The following ST3GAL5 variants were observed in gnomAD, a reference collection of about 807,000 sequenced individuals.
ST3GAL5 encodes the protein ST3 beta-galactoside alpha-2,3-sialyltransferase 5.
A neutral mutation model predicts 46.1 loss-of-function variants in ST3GAL5; 25 were observed. The observed-to-expected ratio is 0.54, with a 90% CI of 0.40 to 0.76. The LOEUF (loss-of-function observed/expected upper bound fraction) is 0.76, where lower values mean the gene tolerates loss of function less well. ST3GAL5 is among the 30% of genes least tolerant of loss of function. The pLI, the probability that ST3GAL5 is intolerant of heterozygous loss-of-function variation, is 0.00. For missense variants in ST3GAL5, 431 were observed against 521.2 expected (o/e 0.83, Z 1.69); for synonymous variants, 182 against 192.7 (o/e 0.94, Z 0.46).
Position 85,837,324 on chromosome 2 carries a change from TA to T in ST3GAL5, c.*2819del, listed in dbSNP as rs1321302891. The stretch of plus-strand genomic sequence containing the variant: ...GAACTGGAGGTGATGTTAAGTGAAA[TA>T]AGCCAAACACAGAAAGACAAATATC... On this transcript the variant is annotated 3_prime_UTR_variant, in exon 7 of 7. Transcript: ENST00000638572. 1.3e-5 allele frequency: 2 copies of T among 152,146 alleles called. No homozygotes were observed. The highest frequency in any genetic ancestry group is 4.8e-5 in the African/African-American group (2 of 41,428). The allele number at this position is 152,146 out of a possible 1,614,324, so 9.4% of individuals were successfully genotyped here. A position where few individuals can be genotyped will look rare whatever the true frequency, so the allele number is the denominator to read the frequency against.
intron 6 of ST3GAL5, among the ~76,000 whole-genome samples, chr2:85,840,780 C>T (rs963139711): frequency 2.0e-5 from 3 of 151,630 alleles, no homozygotes; most frequent in African/African-American, 7.3e-5. Flanking sequence ...CCTGTCTCTA[C>T]TAAAAATACA....
At chr2:85,840,661 C>T (rs1169612715) in intron 6 of ST3GAL5, 1 of 484,426 alleles carries the variant, frequency 2.1e-6, no homozygotes, top group African/African-American at 2.0e-5. Flanking sequence ...TATTCCCCTT[C>T]TAGGCCAGGT....
At chr2:85,881,865 T>C (rs1421651857) in intron 1 of ST3GAL5, among the ~76,000 whole-genome samples, 1 of 152,324 alleles carries the variant, frequency 6.6e-6, no homozygotes, top group East Asian at 1.9e-4. Context: ...GAGACTAATG[T>C]TAATCCCCAA....
Position 85,839,967 on chromosome 2 carries a change from C to T in ST3GAL5, c.*177G>A. On this transcript the variant is annotated 3_prime_UTR_variant, in exon 7 of 7. Coordinates refer to ENST00000638572, the MANE Select transcript of ST3GAL5 (RefSeq NM_003896.4). ...GGTGTGCAAAAACAAACACTGACCT[C>T]AAATAAATAGGAAAAAAAAAGTGGG... The T allele has an allele frequency of 1.2e-6, 1 of 841,796 alleles. No individual in the cohort carries two copies. 52.1% of individuals were successfully genotyped at this position (841,796 alleles called of 1,614,324 possible). A position where few individuals can be genotyped will look rare whatever the true frequency, so the allele number is the denominator to read the frequency against.
At chr2:85,877,938 G>A (rs1391012027) in intron 1 of ST3GAL5, among the ~76,000 whole-genome samples, 1 of 152,176 alleles carries the variant, frequency 6.6e-6, no homozygotes, top group East Asian at 1.9e-4. Context: ...TTGGGAGTAT[G>A]GTAATTTCTC....
At chr2:85,865,495 C>T (rs1249243182) in intron 1 of ST3GAL5, among the ~76,000 whole-genome samples, 2 of 152,070 alleles carry the variant, frequency 1.3e-5, no homozygotes, top group African/African-American at 4.8e-5. Context: ...TATTAATAAA[C>T]CTTTGCTGAA....
chr2:85,871,969 T>C (rs1289238711), intron 1 of ST3GAL5, among the ~76,000 whole-genome samples: 1 of 151,854 alleles, frequency 6.6e-6, no homozygotes, highest in Non-Finnish European at 1.5e-5. Context: ...GCACACTCTG[T>C]GGGGTGGGAG....
At chr2:85,842,838 T>C (rs1199202826) in intron 6 of ST3GAL5, among the ~76,000 whole-genome samples, 1 of 151,944 alleles carries the variant, frequency 6.6e-6, no homozygotes, top group Non-Finnish European at 1.5e-5. Context: ...CTCGGCTCAT[T>C]GCAACCTCCG....
chr2:85,867,056 G>A (rs4832211), intron 1 of ST3GAL5, among the ~76,000 whole-genome samples: 1 of 152,152 alleles, frequency 6.6e-6, no homozygotes, highest in Middle Eastern at 3.4e-3. Flanking sequence ...TTTGGGAGAC[G>A]GGGATGGGAT....
intron 1 of ST3GAL5, among the ~76,000 whole-genome samples, chr2:85,868,834 G>A (rs1193284747): frequency 1.3e-5 from 2 of 152,026 alleles, no homozygotes; most frequent in African/African-American, 2.4e-5. Flanking sequence ...GGCCAGGCTG[G>A]TCTCAAACTC....
At position 85,871,954 on chromosome 2, in the gene ST3GAL5, G is replaced by T. The variant is rs1441032279; in HGVS notation, c.83-8469C>A. Among the ~76,000 whole-genome samples the T allele has an allele frequency of 2.0e-5, 3 of 152,236 alleles. No homozygotes were observed. The East Asian group carries it at 5.8e-4, about 29-fold the overall frequency. The stretch of plus-strand genomic sequence containing the variant: ...TGCAGCTTATAGGCTAATATGGCCA[G>T]CAGAGCACACTCTGTGGGGTGGGAG... On this transcript the variant is annotated intron_variant, in intron 1 of 6. Transcript: ENST00000638572.
chr2:85,847,357 C>T, intron 4 of ST3GAL5: 1 of 994,826 alleles, frequency 1.0e-6, no homozygotes, highest in Non-Finnish European at 1.2e-6. Context: ...AATCTCACTT[C>T]CTCTGACAAG....
chr2:85,852,781 T>C, intron 3 of ST3GAL5: 5 of 859,338 alleles, frequency 5.8e-6, no homozygotes, highest in South Asian at 4.5e-5. Context: ...GAGGCTGGAC[T>C]CAGTTCTAGA....
chr2:85,864,840 C>A (rs187715290), intron 1 of ST3GAL5, among the ~76,000 whole-genome samples: 9 of 152,310 alleles, frequency 5.9e-5, no homozygotes, highest in Admixed American at 3.3e-4. Context: ...TTCCCAGTCT[C>A]CCTTGGAGCT....
intron 1 of ST3GAL5, chr2:85,867,469 G>A (rs921351195): frequency 1.0e-5 from 7 of 703,500 alleles, no homozygotes; most frequent in African/African-American, 5.3e-5. Flanking sequence ...ATCTACACAT[G>A]TAGTTACCTC....
intron 1 of ST3GAL5, among the ~76,000 whole-genome samples, chr2:85,865,004 G>A (rs928039892): frequency 5.9e-5 from 9 of 152,192 alleles, no homozygotes; most frequent in Non-Finnish European, 1.3e-4. Context: ...GGACCACACA[G>A]AGAGGACATT....
intron 3 of ST3GAL5, among the ~76,000 whole-genome samples, chr2:85,852,620 G>C (rs1281631530): frequency 6.6e-6 from 1 of 152,120 alleles, no homozygotes; most frequent in African/African-American, 2.4e-5. Flanking sequence ...AACTCGCTTG[G>C]GCCATGGGAA....
chr2:85,845,377 G>A (rs1406148999), intron 5 of ST3GAL5: 1 of 152,170 alleles, frequency 6.6e-6, no homozygotes, highest in East Asian at 1.9e-4. Flanking sequence ...CCTCAAAAAG[G>A]CTTATATCCA....
intron 5 of ST3GAL5, chr2:85,844,943 G>T: frequency 3.6e-6 from 1 of 280,472 alleles, no homozygotes; most frequent in South Asian, 3.8e-5. Context: ...CTATTTCCTA[G>T]TCCCATGAAG....
Sources: gnomAD v4.1 joint callset for allele counts (sites outside exome capture counted in the v4.1 genomes callset) on GRCh38, gnomAD v4.1.1 for gene constraint, MANE v1.5 for transcripts, NCBI Gene and HGNC (gene_info 2026-07-23, HGNC 2026-07-21) for gene names.